CAMK1D: variants seen among roughly 807,000 people sequenced by gnomAD.
CAMK1D encodes the protein calcium/calmodulin-dependent protein kinase type 1D.
A neutral mutation model predicts 47.7 loss-of-function variants in CAMK1D; 9 were observed. That is an observed-to-expected ratio of 0.19 (90% CI 0.11 to 0.33). CAMK1D has a LOEUF of 0.33. CAMK1D is among the 10% of genes least tolerant of loss of function. The probability of loss-of-function intolerance (pLI) is 1.00; values close to 1 mark genes in which losing one functional copy is unlikely to be tolerated. For synonymous variants in CAMK1D, 184 were observed against 184.9 expected (o/e 0.99, Z 0.04); for missense variants, 291 against 488.7 (o/e 0.60, Z 3.81).
At chr10:12,786,536 T>C (rs1165456302) in intron 5 of CAMK1D, among the ~76,000 whole-genome samples, 1 of 152,212 alleles carries the variant, frequency 6.6e-6, no homozygotes, top group Non-Finnish European at 1.5e-5. Context: ...AGAAATCTTA[T>C]GTATTTTTTT....
chr10:12,605,652 G>C (rs1838436007), intron 2 of CAMK1D, among the ~76,000 whole-genome samples: 1 of 152,142 alleles, frequency 6.6e-6, no homozygotes, highest in African/African-American at 2.4e-5. Context: ...GGAGTGAGCA[G>C]GTGACAGTTG....
At chr10:12,443,722 C>T (rs542240094) in intron 1 of CAMK1D, among the ~76,000 whole-genome samples, 31 of 152,230 alleles carry the variant, frequency 2.0e-4, no homozygotes, top group South Asian at 8.3e-4. Context: ...CTCCGCTCCC[C>T]GGGTTCAAGC....
chr10:12,457,797 AAAAG>A (rs1339400389), intron 1 of CAMK1D, among the ~76,000 whole-genome samples: 4 of 151,530 alleles, frequency 2.6e-5, no homozygotes, highest in Non-Finnish European at 4.4e-5. Context: ...AAAAAAAAAA[AAAAG>A]AAAGATGGAC....
rs2132567217 is a variant in CAMK1D, at chr10:12,670,725, T to G, written c.299+3915T>G. On this transcript the variant is annotated intron_variant, in intron 3 of 10. Coordinates refer to ENST00000619168, the MANE Select transcript of CAMK1D (RefSeq NM_153498.4). ...ACCATGCCCAGCTATTTTTTGTATT[T>G]TTTAGTAGAGATGGGGTTTCACCTT... is the stretch of plus-strand genomic sequence containing the variant. Among the ~76,000 whole-genome samples the G allele has an allele frequency of 1.3e-5, 2 of 152,248 alleles. 1 individual carries two copies. The highest frequency in any genetic ancestry group is 3.9e-4 in the East Asian group (2 of 5,178).
At chr10:12,729,301 A>T (rs1029387721) in intron 3 of CAMK1D, among the ~76,000 whole-genome samples, 3 of 152,180 alleles carry the variant, frequency 2.0e-5, no homozygotes, top group Admixed American at 1.3e-4. Flanking sequence ...TAAATAAGCA[A>T]ATTCTGTAGC....
intron 10 of CAMK1D, among the ~76,000 whole-genome samples, chr10:12,827,349 T>TCCTTCCTTCCTC (rs748192835): frequency 1.1e-5 from 1 of 94,740 alleles, no homozygotes; most frequent in Non-Finnish European, 2.2e-5. Context: ...CTTCCTTCCT[T>TCCTTCCTTCCTC]CTTCCTTTCT....
At chr10:12,781,874 C>T (rs1837512663) in intron 5 of CAMK1D, among the ~76,000 whole-genome samples, 1 of 152,084 alleles carries the variant, frequency 6.6e-6, no homozygotes, top group Admixed American at 6.5e-5. Flanking sequence ...TCTCAAACTC[C>T]TGACCTCAGG....
chr10:12,516,952 G>A (rs1195844527), intron 1 of CAMK1D, among the ~76,000 whole-genome samples: 1 of 152,142 alleles, frequency 6.6e-6, no homozygotes, highest in Non-Finnish European at 1.5e-5. Flanking sequence ...GGATTGCATC[G>A]AATCTGTACA....
intron 1 of CAMK1D, among the ~76,000 whole-genome samples, chr10:12,506,450 T>C (rs1834874471): frequency 1.3e-5 from 2 of 152,060 alleles, no homozygotes; most frequent in African/African-American, 4.8e-5. Flanking sequence ...TAGACCATTG[T>C]AGGGAAATGT....
At chr10:12,628,042 C>G (rs1176396637) in intron 2 of CAMK1D, among the ~76,000 whole-genome samples, 1 of 150,864 alleles carries the variant, frequency 6.6e-6, no homozygotes, top group Non-Finnish European at 1.5e-5. Context: ...GATTGTGCCA[C>G]TGCACTCCAG....
chr10:12,666,904 C>A, intron 3 of CAMK1D, 94 bp downstream of exon 3: 1 of 998,152 alleles, frequency 1.0e-6, no homozygotes, highest in Admixed American at 1.8e-5. Flanking sequence ...TGAAGTGGGC[C>A]AGGTAAGGCA....
chr10:12,487,155 T>A (rs1334377455), intron 1 of CAMK1D, among the ~76,000 whole-genome samples: 1 of 152,188 alleles, frequency 6.6e-6, no homozygotes, highest in Non-Finnish European at 1.5e-5. Flanking sequence ...TTTCTTCTGA[T>A]CCCCTTCCTC....
At chr10:12,454,216 G>A (rs1833172422) in intron 1 of CAMK1D, among the ~76,000 whole-genome samples, 1 of 152,186 alleles carries the variant, frequency 6.6e-6, no homozygotes, top group African/African-American at 2.4e-5. Flanking sequence ...AGGCTGGAGT[G>A]CAGTGACGCG....
rs1176664951 is a variant in CAMK1D, at chr10:12,694,820, A to T, written c.299+28010A>T. Among the ~76,000 whole-genome samples, 12 of 151,904 alleles carry T rather than the reference A, an allele frequency of 7.9e-5. No homozygotes were observed. In the East Asian group the frequency reaches 2.3e-3, roughly 29 times the overall value. ...ATTACTGTCAGGTTTCTCAAAAGCAACACTGGATACAGAAAACACAGCGGG... is the reference window on the plus strand; with the variant it reads ...ATTACTGTCAGGTTTCTCAAAAGCATCACTGGATACAGAAAACACAGCGGG... On this transcript the variant is annotated intron_variant, in intron 3 of 10. Transcript: ENST00000619168.
Position 12,447,261 on chromosome 10 carries a change from A to G in CAMK1D, c.92+97351A>G, listed in dbSNP as rs116229713. Reference sequence around the variant, plus strand: ...TAGCAAAGGTATTGGAAGGCCAACAACAATTTATTTCCCATGTCACTCTTT... The same window carrying G: ...TAGCAAAGGTATTGGAAGGCCAACAGCAATTTATTTCCCATGTCACTCTTT... On this transcript the variant is annotated intron_variant, in intron 1 of 10. Transcript: ENST00000619168. Among the ~76,000 whole-genome samples, 807 of 152,298 alleles carry G rather than the reference A, an allele frequency of 5.3e-3. 11 individuals are homozygous for G. Among genetic ancestry groups the G allele is most frequent in the African/African-American group, 0.018 (768 of 41,568 alleles).
Position 12,795,645 on chromosome 10 carries a change from C to T in CAMK1D, c.641+4412C>T, listed in dbSNP as rs2482034. On this transcript the variant is annotated intron_variant, in intron 6 of 10. Coordinates refer to ENST00000619168, the MANE Select transcript of CAMK1D (RefSeq NM_153498.4). ...CTGCAGCCAAAGTGGCCGTGACAAGCCGTGGCACCGAGTTTTCTCCTCTTG... is the reference window on the plus strand; with the variant it reads ...CTGCAGCCAAAGTGGCCGTGACAAGTCGTGGCACCGAGTTTTCTCCTCTTG... 1.8e-3 allele frequency among the ~76,000 whole-genome samples: 281 copies of T among 152,338 alleles called. 2 individuals carry two copies. Among genetic ancestry groups the T allele is most frequent in the African/African-American group, 6.6e-3 (275 of 41,566 alleles).
intron 1 of CAMK1D, among the ~76,000 whole-genome samples, chr10:12,502,096 T>C (rs1834722335): frequency 1.3e-5 from 2 of 151,678 alleles, no homozygotes; most frequent in African/African-American, 2.4e-5. Flanking sequence ...CAGGAACGAG[T>C]GTGGAGCTGG....
chr10:12,374,047 A>C (rs1838093408), intron 1 of CAMK1D, among the ~76,000 whole-genome samples: 1 of 150,390 alleles, frequency 6.6e-6, no homozygotes, highest in Non-Finnish European at 1.5e-5. Context: ...ATCACTTGAG[A>C]TCAGGAGTGC....
intron 3 of CAMK1D, among the ~76,000 whole-genome samples, chr10:12,729,022 GAA>G (rs1314297827): frequency 6.6e-6 from 1 of 152,190 alleles, no homozygotes; most frequent in Non-Finnish European, 1.5e-5. Flanking sequence ...TGAAAAAACT[GAA>G]AAGTCAGTGA....
Sources: allele counts gnomAD v4.1 joint callset (sites outside exome capture counted in the v4.1 genomes callset), GRCh38; gene constraint gnomAD v4.1.1; transcripts MANE v1.5; gene names NCBI Gene and HGNC (gene_info 2026-07-23, HGNC 2026-07-21).